ASH1L: variants seen among roughly 807,000 people sequenced by gnomAD.
ASH1L encodes histone-lysine N-methyltransferase ASH1L.
Under a neutral mutation model 269.0 loss-of-function variants are expected in ASH1L, and 23 were observed. The ratio of observed to expected loss-of-function variants is 0.09; its 90% CI spans 0.06 to 0.12. The LOEUF (loss-of-function observed/expected upper bound fraction) is 0.12. ASH1L is among the 10% of genes least tolerant of loss of function. ASH1L has a pLI of 1.00. For synonymous variants in ASH1L, 1,187 were observed against 1,253.5 expected (o/e 0.95, Z 1.12); for missense variants, 2,912 against 3,567.8 (o/e 0.82, Z 4.68).
chr1:155,420,846 T>TC (rs1367457972), intron 5 of ASH1L, among the ~76,000 whole-genome samples: 1 of 34,954 alleles, frequency 2.9e-5, no homozygotes, highest in Non-Finnish European at 1.0e-4. Flanking sequence ...CAAGGCTCCA[T>TC]TAAAAAAAAA....
intron 4 of ASH1L, among the ~76,000 whole-genome samples, chr1:155,456,905 T>G (rs1166508663): frequency 1.3e-5 from 2 of 152,214 alleles, no homozygotes; most frequent in East Asian, 3.8e-4. Context: ...GGATTATACT[T>G]TCTAGTCCCA....
At position 155,480,071 on chromosome 1, in the gene ASH1L, ACTG is replaced by A. The variant is rs762865521; in HGVS notation, c.2796_2798del (p.Ser933del). 2 of 1,614,016 alleles carry A rather than the reference ACTG, an allele frequency of 1.2e-6. No homozygotes were observed. The highest frequency in any genetic ancestry group is 8.5e-7 in the Non-Finnish European group (1 of 1,180,026). Reference sequence around the variant, plus strand: ...GTTGATCCTCGCTCTCAAAGAAATCACTGCTACTTCTATGGTTGTCACTTTCAG... The same window carrying A: ...GTTGATCCTCGCTCTCAAAGAAATCACTACTTCTATGGTTGTCACTTTCAG... On this transcript the variant is annotated inframe_deletion, in exon 3 of 28. Coordinates refer to ENST00000392403, the MANE Select transcript of ASH1L (RefSeq NM_018489.3).
In ASH1L at chr1:155,389,635, T is replaced by C. The variant is rs1035076447; in HGVS notation, c.6103+5824A>G. ...ATGCAGAGAGCCAAGATCACGCCAC[T>C]GCACTCCAGCCTGGGCAACAGAGCG... On this transcript the variant is annotated intron_variant, in intron 7 of 27. Transcript: ENST00000392403. Among the ~76,000 whole-genome samples, 6 of 152,110 alleles carry C rather than the reference T, an allele frequency of 3.9e-5. No individual in the cohort carries two copies. The East Asian group carries it at 7.8e-4, about 20-fold the overall frequency.
In ASH1L at chr1:155,338,330, A is replaced by G; in HGVS notation, c.8562T>C (p.Asp2854=). 1 of 1,614,072 alleles carries G rather than the reference A, an allele frequency of 6.2e-7. No individual in the cohort carries two copies. Among genetic ancestry groups the G allele is most frequent in the Non-Finnish European group, 8.5e-7 (1 of 1,180,012 alleles). ...GAACCTCTTCAATCAAGGGTAGAGC[A>G]TCATCCTCCTGGCCCAAGTCTTTTA... ...PPLKDLGQED[D]ALPLIEEVLA... is the part of the protein sequence containing the mutation. Residue 2854 remains aspartate (D), a synonymous_variant, in exon 27 of 28, where the codon GAT becomes GAC. Coordinates refer to ENST00000392403, the MANE Select transcript of ASH1L (RefSeq NM_018489.3).
At chr1:155,534,769 G>A (rs1669934494) in intron 1 of ASH1L, among the ~76,000 whole-genome samples, 2 of 152,136 alleles carry the variant, frequency 1.3e-5, no homozygotes, top group Admixed American at 1.3e-4. Flanking sequence ...AAAAGTTAAC[G>A]GAATTTTATA....
rs1558068321 is a variant in ASH1L at position 155,403,817 on chromosome 1, C to T, written c.6009-8264G>A. Reference sequence around the variant, plus strand: ...AAATACAGAAGCTTTTTTTGGAGGGCGGCGATCTATTCTGCAGAAGCTGTA... The same window carrying T: ...AAATACAGAAGCTTTTTTTGGAGGGTGGCGATCTATTCTGCAGAAGCTGTA... On this transcript the variant is annotated intron_variant, in intron 6 of 27. Transcript: ENST00000392403. Among the ~76,000 whole-genome samples the T allele has an allele frequency of 4.6e-5, 7 of 150,950 alleles. No individual in the cohort carries two copies. The South Asian group carries it at 8.4e-4, about 18-fold the overall frequency.
chr1:155,480,507 G>C lies in ASH1L; in HGVS notation c.2363C>G (p.Pro788Arg), dbSNP rs1251107899. The C allele has an allele frequency of 1.2e-6, 2 of 1,614,080 alleles. No individual in the cohort carries two copies. The highest frequency in any genetic ancestry group is 3.3e-5 in the Admixed American group (2 of 60,014). ...RLPKLSKSTA[P>R]SLALLADSEK... ...ACTATCAGCTAAGAGAGCAAGAGATGGAGCTGTGGATTTGCTCAACTTTGG... is the reference window on the plus strand; with the variant it reads ...ACTATCAGCTAAGAGAGCAAGAGATCGAGCTGTGGATTTGCTCAACTTTGG... The change falls in exon 3 of 28, where the codon CCA becomes CGA. Residue 788 changes from proline to arginine, a missense_variant. By Grantham distance (103) the Pro-to-Arg change is moderately radical (BLOSUM62 -2). Transcript: ENST00000392403.
At chr1:155,428,006 C>T (rs542528646) in intron 5 of ASH1L, among the ~76,000 whole-genome samples, 8 of 152,294 alleles carry the variant, frequency 5.3e-5, no homozygotes, top group African/African-American at 1.9e-4. Flanking sequence ...CTGTAAGTTT[C>T]CTGAAGCCTC....
intron 5 of ASH1L, among the ~76,000 whole-genome samples, chr1:155,420,558 A>T (rs1020988073): frequency 8.2e-5 from 12 of 145,828 alleles, no homozygotes; most frequent in Admixed American, 4.1e-4. Flanking sequence ...CAATGAATTT[A>T]AAAAAAAAAA....
At chr1:155,423,409 T>C (rs1329977695) in intron 5 of ASH1L, among the ~76,000 whole-genome samples, 1 of 151,672 alleles carries the variant, frequency 6.6e-6, no homozygotes, top group East Asian at 2.0e-4. Flanking sequence ...TGAAACCCCG[T>C]CTCTACTAAA....
chr1:155,518,297 CAT>C (rs1264074718), intron 2 of ASH1L, among the ~76,000 whole-genome samples: 3 of 152,024 alleles, frequency 2.0e-5, no homozygotes, highest in Non-Finnish European at 4.4e-5. Context: ...CTCAGGAAAA[CAT>C]AGGGGGAAGA....
Position 155,378,557 on chromosome 1 carries a change from AAAG to A in ASH1L, c.6178-12_6178-10del. ...TCTGGCTTTTTGTATAGCTAGAAGA[AAAG>A]AAGAAAAATCTTGATATAGCATTTA... On this transcript the variant is annotated splice_polypyrimidine_tract_variant and intron_variant, in intron 8 of 27. Coordinates refer to ENST00000392403, the MANE Select transcript of ASH1L (RefSeq NM_018489.3). 1 of 1,605,116 alleles carries A rather than the reference AAAG, an allele frequency of 6.2e-7. No homozygotes were observed. Among genetic ancestry groups the A allele is most frequent in the Non-Finnish European group, 8.5e-7 (1 of 1,175,652 alleles).
At chr1:155,423,524 G>A (rs980681592) in intron 5 of ASH1L, among the ~76,000 whole-genome samples, 18 of 151,940 alleles carry the variant, frequency 1.2e-4, no homozygotes, top group African/African-American at 4.3e-4. Context: ...AGCCAAGATC[G>A]TGCCACCGCA....
chr1:155,496,145 CTTTG>C (rs1667140690), intron 2 of ASH1L, among the ~76,000 whole-genome samples: 1 of 152,150 alleles, frequency 6.6e-6, no homozygotes, highest in Non-Finnish European at 1.5e-5. Flanking sequence ...AAAATCTTTT[CTTTG>C]TATCTTTACA....
chr1:155,529,342 TGCCA>T (rs1179472491), intron 1 of ASH1L, among the ~76,000 whole-genome samples: 1 of 145,900 alleles, frequency 6.9e-6, no homozygotes, highest in African/African-American at 2.5e-5. Context: ...TCTGCAACCT[TGCCA>T]GCATCTTTTT....
At chr1:155,422,706 T>C (rs1026522666) in intron 5 of ASH1L, among the ~76,000 whole-genome samples, 2 of 151,446 alleles carry the variant, frequency 1.3e-5, no homozygotes, top group African/African-American at 4.9e-5. Context: ...TGGAGTGCAG[T>C]GGCGTGATCT....
chr1:155,399,682 A>G (rs1276238192), intron 6 of ASH1L, among the ~76,000 whole-genome samples: 1 of 149,886 alleles, frequency 6.7e-6, no homozygotes, highest in Non-Finnish European at 1.5e-5. Flanking sequence ...GATAAAACTC[A>G]TAACACTACT....
rs914630323 is a variant in ASH1L at position 155,506,463 on chromosome 1, G to A, written c.420+14637C>T. The stretch of plus-strand genomic sequence containing the variant: ...TGTAATCCTAGCACTTTGGGAGGCC[G>A]AAGTGGGTGGATCACCTGAGGTCAG... On this transcript the variant is annotated intron_variant, in intron 2 of 27. Coordinates refer to ENST00000392403, the MANE Select transcript of ASH1L (RefSeq NM_018489.3). 1.4e-4 allele frequency among the ~76,000 whole-genome samples: 21 copies of A among 151,800 alleles called. No homozygotes were observed. In the Middle Eastern group the frequency reaches 0.014, roughly 100 times the overall value.
chr1:155,547,767 T>C (rs575243659), intron 1 of ASH1L, among the ~76,000 whole-genome samples: 6 of 148,976 alleles, frequency 4.0e-5, no homozygotes, highest in Admixed American at 1.3e-4. Context: ...AGTCAGGAGA[T>C]TGAGACCATC....
Sources: gnomAD v4.1 joint callset for allele counts (sites outside exome capture counted in the v4.1 genomes callset) on GRCh38, gnomAD v4.1.1 for gene constraint, MANE v1.5 for transcripts, NCBI Gene and HGNC (gene_info 2026-07-23, HGNC 2026-07-21) for gene names.